Variants in LARP1B observed in about 807,000 individuals in gnomAD.
The protein encoded by LARP1B is la-related protein 1B.
LARP1B carries 76 observed loss-of-function variants against 114.2 expected under a neutral mutation model. The observed-to-expected ratio is 0.67, with a 90% CI of 0.55 to 0.81. The LOEUF (loss-of-function observed/expected upper bound fraction) is 0.81. Ranked by LOEUF, LARP1B falls within the 30% of genes least tolerant of loss-of-function variation. The pLI is 0.00. For missense variants in LARP1B, 1,014 were observed against 1,075.8 expected, an observed-to-expected ratio of 0.94 and a Z score of 0.80; for synonymous variants, 345 against 348.0, an observed-to-expected ratio of 0.99 and a Z score of 0.10.
intron 11 of LARP1B, among the ~76,000 whole-genome samples, chr4:128,139,323 C>T (rs1726870898): frequency 6.6e-6 from 1 of 151,984 alleles, no homozygotes; most frequent in South Asian, 2.1e-4. Flanking sequence ...CAGTAACAGT[C>T]TAGGCATTAA....
chr4:128,188,838 T>C (rs530278782), intron 15 of LARP1B, among the ~76,000 whole-genome samples: 2 of 152,362 alleles, frequency 1.3e-5, no homozygotes, highest in East Asian at 3.9e-4. Context: ...TCTATTTTTA[T>C]TCTGTTGTAG....
At chr4:128,118,732 T>G (rs1786867498) in intron 10 of LARP1B, among the ~76,000 whole-genome samples, 1 of 152,042 alleles carries the variant, frequency 6.6e-6, no homozygotes, top group Non-Finnish European at 1.5e-5. Context: ...CATCATTGTT[T>G]TGGTTGCTTT....
At chr4:128,102,395 AG>A (rs1780614845) in intron 8 of LARP1B, among the ~76,000 whole-genome samples, 1 of 152,230 alleles carries the variant, frequency 6.6e-6, no homozygotes, top group African/African-American at 2.4e-5. Flanking sequence ...GCTCTAAATA[AG>A]TAAGCATTTG....
chr4:128,106,553 T>C (rs925330555), intron 8 of LARP1B, among the ~76,000 whole-genome samples: 5 of 151,990 alleles, frequency 3.3e-5, no homozygotes, highest in African/African-American at 1.2e-4. Flanking sequence ...GTAGTACATA[T>C]TGGGGAGGCA....
In LARP1B at chr4:128,169,021, C is replaced by A. The variant is rs529424435; in HGVS notation, c.1648+6704C>A. On this transcript the variant is annotated intron_variant, in intron 12 of 19. Coordinates refer to ENST00000326639, the MANE Select transcript of LARP1B (RefSeq NM_018078.4). The stretch of plus-strand genomic sequence containing the variant: ...AAGTAAGTCTTTTTTCTCAGGTGAG[C>A]TTTTGTACCTATTGAATTTATTCAT... Among the ~76,000 whole-genome samples, 7 of 152,018 alleles carry A rather than the reference C, an allele frequency of 4.6e-5. No individual in the cohort carries two copies. The South Asian group carries it at 1.3e-3, about 27-fold the overall frequency.
chr4:128,113,470 A>G (rs1476435871), intron 9 of LARP1B, among the ~76,000 whole-genome samples: 1 of 149,730 alleles, frequency 6.7e-6, no homozygotes, highest in Non-Finnish European at 1.5e-5. Flanking sequence ...CCTCCTGAGT[A>G]GTGGGAATTA....
chr4:128,146,110 T>C (rs988215821), intron 11 of LARP1B, among the ~76,000 whole-genome samples: 2 of 152,246 alleles, frequency 1.3e-5, no homozygotes, highest in Non-Finnish European at 1.5e-5. Flanking sequence ...ATTTTTCTAA[T>C]ACACATCAGT....
At chr4:128,085,421 A>G (rs952970204) in intron 5 of LARP1B, among the ~76,000 whole-genome samples, 3 of 134,092 alleles carry the variant, frequency 2.2e-5, no homozygotes, top group Non-Finnish European at 4.6e-5. Context: ...GCTGGAGTGC[A>G]GTGGGACAGT....
chr4:128,183,358 G>A (rs1397873967), intron 15 of LARP1B, among the ~76,000 whole-genome samples: 1 of 152,202 alleles, frequency 6.6e-6, no homozygotes, highest in Non-Finnish European at 1.5e-5. Flanking sequence ...TGAAGGCAAT[G>A]CCAGGGCTCT....
At chr4:128,158,262 CAG>C (rs1405709719) in intron 11 of LARP1B, among the ~76,000 whole-genome samples, 15 of 152,128 alleles carry the variant, frequency 9.9e-5, no homozygotes, top group African/African-American at 3.6e-4. Flanking sequence ...ATGGAGCAAT[CAG>C]AACCAAAAAA....
At chr4:128,072,615 G>C (rs1765818926) in intron 1 of LARP1B, among the ~76,000 whole-genome samples, 1 of 151,774 alleles carries the variant, frequency 6.6e-6, no homozygotes, top group Non-Finnish European at 1.5e-5. Context: ...GGAGTGCAGT[G>C]GTGCAGTCTC....
At chr4:128,130,432 T>A (rs1033780019) in intron 11 of LARP1B, among the ~76,000 whole-genome samples, 2 of 152,104 alleles carry the variant, frequency 1.3e-5, no homozygotes, top group Non-Finnish European at 2.9e-5. Context: ...AATATGCATA[T>A]GAAAAGATGC....
In LARP1B at chr4:128,071,744, A is replaced by G. The variant is rs543252928; in HGVS notation, c.-77-2716A>G. Among the ~76,000 whole-genome samples, 16 of 147,030 alleles carry G rather than the reference A, an allele frequency of 1.1e-4. No individual in the cohort carries two copies. In the East Asian group the frequency reaches 2.0e-3, roughly 18 times the overall value. On this transcript the variant is annotated intron_variant, in intron 1 of 19. Coordinates refer to ENST00000326639, the MANE Select transcript of LARP1B (RefSeq NM_018078.4). ...GCCATTCTTTCACATTTTAAAAAGC[A>G]CTAATTTTTACCACATTTTCCCTTA...
At chr4:128,168,287 T>A (rs577881931) in intron 12 of LARP1B, among the ~76,000 whole-genome samples, 232 of 152,118 alleles carry the variant, frequency 1.5e-3, no homozygotes, top group Middle Eastern at 3.4e-3. Flanking sequence ...AGTTTTTTTT[T>A]TAAAAAATTT....
At position 128,207,348 on chromosome 4, in the gene LARP1B, T is replaced by C. The variant is rs1199418425; in HGVS notation, c.2512T>C (p.Cys838Arg). 6.4e-6 allele frequency: 10 copies of C among 1,552,902 alleles called. No individual in the cohort carries two copies. The highest frequency in any genetic ancestry group is 7.8e-6 in the Non-Finnish European group (9 of 1,150,248). Residue 838 changes from cysteine to arginine, a missense_variant, in exon 19 of 20, where the codon TGT (cysteine) becomes CGT (arginine). By Grantham distance (180) the Cys-to-Arg change is radical. Coordinates refer to ENST00000326639, the MANE Select transcript of LARP1B (RefSeq NM_018078.4). Reference sequence around the variant, plus strand: ...TGACCCAAAACTTCAGGAATACCTCTGTAGTTTTAAGAGGTTAGAAGACTT... The same window carrying C: ...TGACCCAAAACTTCAGGAATACCTCCGTAGTTTTAAGAGGTTAGAAGACTT... ...SIDPKLQEYL[C>R]SFKRLEDFRV... is the part of the protein sequence containing the mutation.
chr4:128,209,322 G>A (rs1396707585), intron 19 of LARP1B, among the ~76,000 whole-genome samples: 1 of 152,194 alleles, frequency 6.6e-6, no homozygotes, highest in East Asian at 1.9e-4. Context: ...TTGGGAGGCT[G>A]AGGCAGGAGA....
chr4:128,083,214 T>G (rs1771323510), intron 5 of LARP1B, among the ~76,000 whole-genome samples: 1 of 152,292 alleles, frequency 6.6e-6, no homozygotes, highest in South Asian at 2.1e-4. Context: ...CCATGTCTAC[T>G]ACTTTCCACA....
intron 11 of LARP1B, among the ~76,000 whole-genome samples, chr4:128,148,867 TCCA>T: frequency 1.3e-5 from 2 of 152,268 alleles, no homozygotes; most frequent in Middle Eastern, 3.4e-3. Flanking sequence ...CCTCAAGTAA[TCCA>T]CCTGCCTTGG....
At chr4:128,184,021 T>G in intron 15 of LARP1B, among the ~76,000 whole-genome samples, 1 of 152,194 alleles carries the variant, frequency 6.6e-6, no homozygotes. Context: ...GAGGAATTGC[T>G]TCTTATGGAC....
Sources: gnomAD v4.1 joint callset for allele counts (sites outside exome capture counted in the v4.1 genomes callset) on GRCh38, gnomAD v4.1.1 for gene constraint, MANE v1.5 for transcripts, NCBI Gene and HGNC (gene_info 2026-07-23, HGNC 2026-07-21) for gene names.